The following PYCARD variants were observed in gnomAD, a reference collection of about 807,000 sequenced individuals.
The protein encoded by PYCARD is apoptosis-associated speck-like protein containing a CARD.
In PYCARD, 10 loss-of-function variants were observed where a neutral mutation model predicts 10.0. The ratio of observed to expected loss-of-function variants is 1.00; its 90% CI spans 0.62 to 1.69. The LOEUF is 1.69. PYCARD is among the 40% of genes most tolerant of loss of function. The pLI is 0.00. For missense variants in PYCARD, 239 were observed against 260.2 expected, an observed-to-expected ratio of 0.92 and a Z score of 0.56; for synonymous variants, 121 against 122.3, an observed-to-expected ratio of 0.99 and a Z score of 0.07.
At position 31,202,323 on chromosome 16, in the gene PYCARD, G is replaced by A; in HGVS notation, c.274+94C>T. 1.3e-6 allele frequency: 2 copies of A among 1,536,350 alleles called. No individual in the cohort carries two copies. The highest frequency in any genetic ancestry group is 1.2e-5 in the South Asian group (1 of 84,344). On this transcript the variant is annotated intron_variant, in intron 1 of 2. Coordinates refer to ENST00000247470, the MANE Select transcript of PYCARD (RefSeq NM_013258.5). The surrounding 1 kb of genome is among the most constrained non-coding windows in gnomAD (Gnocchi z 4.5). ...TTTCCGGTAGAGCAGCTTTGTTTAG[G>A]GGTAGGAGGAACAGAAAGCGGAAGA... is the stretch of plus-strand genomic sequence containing the variant.
rs770031102 is a variant in PYCARD, at chr16:31,202,100, G to A, written c.331+47C>T. 1 of 1,587,622 alleles carries A rather than the reference G, an allele frequency of 6.3e-7. No homozygotes were observed. The highest frequency in any genetic ancestry group is 8.6e-7 in the Non-Finnish European group (1 of 1,169,090). The stretch of plus-strand genomic sequence containing the variant: ...CCCTGGTTGCGGGAGCACAGATGCA[G>A]GCTGTGCAGGAGTGCGGTGGGGCCG... On this transcript the variant is annotated intron_variant, in intron 2 of 2. Transcript: ENST00000247470. The surrounding 1 kb of genome is among the most constrained non-coding windows in gnomAD (Gnocchi z 4.5).
Position 31,202,223 on chromosome 16 carries a change from G to A in PYCARD, c.275-20C>T, listed in dbSNP as rs2079448721. The A allele has an allele frequency of 6.2e-7, 1 of 1,601,180 alleles. No individual in the cohort carries two copies. The highest frequency in any genetic ancestry group is 1.7e-5 in the Admixed American group (1 of 59,874). On this transcript the variant is annotated intron_variant, in intron 1 of 2. Coordinates refer to ENST00000247470, the MANE Select transcript of PYCARD (RefSeq NM_013258.5). This position sits in a 1 kb window ranked among gnomAD's most constrained non-coding sequence, Gnocchi z 4.5. ...CAGAGCCTGGAAGGATATGGGCCAA[G>A]TGATCCCCTTCCCTTCCCTTCCCGC...
In PYCARD at chr16:31,202,028, G is replaced by A; in HGVS notation, c.331+119C>T. 6.8e-7 allele frequency: 1 copy of A among 1,463,610 alleles called. No homozygotes were observed. Among genetic ancestry groups the A allele is most frequent in the East Asian group, 2.5e-5 (1 of 40,600 alleles). The allele number at this position is 1,463,610 out of a possible 1,614,324, so 90.7% of individuals were successfully genotyped here. ...TCCCCCGCAGGGTGTGGGTTGGTGGGTGGGGTGCGCAGGGTTGCCAAGCCG... is the reference window on the plus strand; with the variant it reads ...TCCCCCGCAGGGTGTGGGTTGGTGGATGGGGTGCGCAGGGTTGCCAAGCCG... On this transcript the variant is annotated intron_variant, in intron 2 of 2. Coordinates refer to ENST00000247470, the MANE Select transcript of PYCARD (RefSeq NM_013258.5). This position sits in a 1 kb window ranked among gnomAD's most constrained non-coding sequence, Gnocchi z 4.5.
At chr16:31,201,917 A>T in intron 2 of PYCARD, 76 bp from the exon 3 acceptor site, 3 of 1,581,026 alleles carry the variant, frequency 1.9e-6, no homozygotes, top group Non-Finnish European at 2.6e-6. Flanking sequence ...TTCTTCAGGA[A>T]TTCCTCTGCA....
chr16:31,202,497 C>A lies in PYCARD; in HGVS notation c.194G>T (p.Gly65Val). Reference sequence around the variant, plus strand: ...CAGCACGTTAGCGGTGAGCTCGGCGCCGTAGGTCTCCAGGTAGAAGCTGAC... The same window carrying A: ...CAGCACGTTAGCGGTGAGCTCGGCGACGTAGGTCTCCAGGTAGAAGCTGAC... Reference protein sequence around the residue: ...KLVSFYLETYGAELTANVLRD... With the variant: ...KLVSFYLETYVAELTANVLRD... Residue 65 changes from glycine (G) to valine (V), a missense_variant, in exon 1 of 3, where the codon GGC (glycine) becomes GTC (valine). Transcript: ENST00000247470. The surrounding 1 kb of genome is among the most constrained non-coding windows in gnomAD (Gnocchi z 4.5). The A allele has an allele frequency of 6.2e-7, 1 of 1,603,386 alleles. No individual in the cohort carries two copies. The highest frequency in any genetic ancestry group is 1.1e-5 in the South Asian group (1 of 89,698).
rs1357922232 is a variant in PYCARD at position 31,202,368 on chromosome 16, G to A, written c.274+49C>T. 2 of 1,529,350 alleles carry A rather than the reference G, an allele frequency of 1.3e-6. No homozygotes were observed. Among genetic ancestry groups the A allele is most frequent in the Non-Finnish European group, 1.8e-6 (2 of 1,141,116 alleles). 94.7% of individuals were successfully genotyped at this position (1,529,350 alleles called of 1,614,324 possible). ...GGAAGAGCCCGCGGGGTAAGCGCTG[G>A]TGTGGGTGGAGGGGAAAGACGGGGT... On this transcript the variant is annotated intron_variant, in intron 1 of 2. Transcript: ENST00000247470. This position sits in a 1 kb window ranked among gnomAD's most constrained non-coding sequence, Gnocchi z 4.5.
chr16:31,201,877 GGT>G lies in PYCARD; in HGVS notation c.332-38_332-37del, dbSNP rs1168829902. ...GAGGAGAACATGAGCCAGCAGCCAG[GGT>G]GTGGGGCCTGTCCCTGCTGAACTTG... On this transcript the variant is annotated intron_variant, in intron 2 of 2. Coordinates refer to ENST00000247470, the MANE Select transcript of PYCARD (RefSeq NM_013258.5). 2.5e-6 allele frequency: 4 copies of G among 1,608,372 alleles called. No individual in the cohort carries two copies. In the African/African-American group the frequency reaches 5.3e-5, roughly 21 times the overall value.
At chr16:31,201,931 C>G (rs1409727428) in intron 2 of PYCARD, 90 bp from the exon 3 acceptor site, 4 of 1,562,190 alleles carry the variant, frequency 2.6e-6, no homozygotes, top group Non-Finnish European at 3.5e-6. Context: ...CTCTGCAAGC[C>G]TAGGGGCAGG....
chr16:31,201,719 C>G lies in PYCARD; in HGVS notation c.454G>C (p.Glu152Gln). ...CGCATCTTGCTTGGGTTGGTGGGCT[C>G]GGCCCGCACTGCCTGGTACTGCTCA... ...TDEQYQAVRA[E>Q]PTNPSKMRKL... is the part of the protein sequence containing the mutation. The change falls in exon 3 of 3, where the codon GAG (glutamate) becomes CAG (glutamine). Residue 152 changes from glutamate (E) to glutamine (Q), a missense_variant. Transcript: ENST00000247470. 1.2e-6 allele frequency: 2 copies of G among 1,614,092 alleles called. No homozygotes were observed. The highest frequency in any genetic ancestry group is 1.7e-6 in the Non-Finnish European group (2 of 1,180,006).
chr16:31,202,596 A>C lies in PYCARD; in HGVS notation c.95T>G (p.Leu32Arg). 1 of 1,612,914 alleles carries C rather than the reference A, an allele frequency of 6.2e-7. No homozygotes were observed. Among genetic ancestry groups the C allele is most frequent in the Non-Finnish European group, 8.5e-7 (1 of 1,179,678 alleles). ...CGGGATGCGCCCGTAGCCCTCGCGC[A>C]GCGGCACCGACAGCAGCTTCAGCTT... Reference protein sequence around the residue: ...KFKLKLLSVPLREGYGRIPRG... With the variant: ...KFKLKLLSVPRREGYGRIPRG... Residue 32 changes from leucine (L) to arginine (R), a missense_variant, in exon 1 of 3, where the codon CTG becomes CGG. Leu to Arg is a moderately radical substitution (Grantham distance 102). Coordinates refer to ENST00000247470, the MANE Select transcript of PYCARD (RefSeq NM_013258.5). The surrounding 1 kb of genome is among the most constrained non-coding windows in gnomAD (Gnocchi z 4.5).
intron 2 of PYCARD, 149 bp from the exon 3 acceptor site, chr16:31,201,990 A>G: frequency 6.9e-7 from 1 of 1,449,654 alleles, no homozygotes; most frequent in Non-Finnish European, 9.2e-7. Flanking sequence ...GATGAGGGTA[A>G]TATTGTCTCC....
Position 31,202,627 on chromosome 16 carries a change from T to G in PYCARD, c.64A>C (p.Lys22Gln), listed in dbSNP as rs768900578. 1.2e-6 allele frequency: 2 copies of G among 1,612,028 alleles called. No homozygotes were observed. The highest frequency in any genetic ancestry group is 1.7e-6 in the Non-Finnish European group (2 of 1,179,176). ...LENLTAEELK[K>Q]FKLKLLSVPL... ...ACCGACAGCAGCTTCAGCTTGAACTTCTTGAGCTCCTCGGCGGTCAGGTTC... is the reference window on the plus strand; with the variant it reads ...ACCGACAGCAGCTTCAGCTTGAACTGCTTGAGCTCCTCGGCGGTCAGGTTC... The change falls in exon 1 of 3, where the codon AAG becomes CAG. Residue 22 changes from lysine (K) to glutamine (Q), a missense_variant. Coordinates refer to ENST00000247470, the MANE Select transcript of PYCARD (RefSeq NM_013258.5). The surrounding 1 kb of genome is among the most constrained non-coding windows in gnomAD (Gnocchi z 4.5).
chr16:31,201,927 A>G, intron 2 of PYCARD, 86 bp from the exon 3 acceptor site: 6 of 1,568,834 alleles, frequency 3.8e-6, no homozygotes, highest in Non-Finnish European at 5.2e-6. Context: ...ATTCCTCTGC[A>G]AGCCTAGGGG....
chr16:31,202,711 CT>C lies in PYCARD; in HGVS notation c.-22del. On this transcript the variant is annotated 5_prime_UTR_variant, in exon 1 of 3. Coordinates refer to ENST00000247470, the MANE Select transcript of PYCARD (RefSeq NM_013258.5). This position sits in a 1 kb window ranked among gnomAD's most constrained non-coding sequence, Gnocchi z 4.5. Reference sequence around the variant, plus strand: ...CCCATGGCTCCAGGATCCCCGGCCGCTGCCGCCGCTCACCCCGCTGCAGCCG... The same window carrying C: ...CCCATGGCTCCAGGATCCCCGGCCGCGCCGCCGCTCACCCCGCTGCAGCCG... 5 of 1,528,538 alleles carry C rather than the reference CT, an allele frequency of 3.3e-6. No individual in the cohort carries two copies. The highest frequency in any genetic ancestry group is 4.4e-6 in the Non-Finnish European group (5 of 1,140,668). The allele number at this position is 1,528,538 out of a possible 1,614,324, so 94.7% of individuals were successfully genotyped here. A position where few individuals can be genotyped will look rare whatever the true frequency, so the allele number is the denominator to read the frequency against.
Position 31,202,375 on chromosome 16 carries a change from T to C in PYCARD, c.274+42A>G, listed in dbSNP as rs1596928841. ...CCCGCGGGGTAAGCGCTGGTGTGGG[T>C]GGAGGGGAAAGACGGGGTGGAGGGG... On this transcript the variant is annotated intron_variant, in intron 1 of 2. Coordinates refer to ENST00000247470, the MANE Select transcript of PYCARD (RefSeq NM_013258.5). The surrounding 1 kb of genome is among the most constrained non-coding windows in gnomAD (Gnocchi z 4.5). 7.2e-7 allele frequency: 1 copy of C among 1,385,918 alleles called. No individual in the cohort carries two copies. Among genetic ancestry groups the C allele is most frequent in the Non-Finnish European group, 9.5e-7 (1 of 1,050,148 alleles). The allele number at this position is 1,385,918 out of a possible 1,614,324, so 85.9% of individuals were successfully genotyped here.
chr16:31,202,715 C>T lies in PYCARD; in HGVS notation c.-25G>A, dbSNP rs370863285. 2.4e-4 allele frequency: 372 copies of T among 1,525,428 alleles called. No homozygotes were observed. The African/African-American group carries it at 4.3e-3, about 18-fold the overall frequency. 94.5% of individuals were successfully genotyped at this position (1,525,428 alleles called of 1,614,324 possible). On this transcript the variant is annotated 5_prime_UTR_variant, in exon 1 of 3. Transcript: ENST00000247470. This position sits in a 1 kb window ranked among gnomAD's most constrained non-coding sequence, Gnocchi z 4.5. ...TGGCTCCAGGATCCCCGGCCGCTGC[C>T]GCCGCTCACCCCGCTGCAGCCGCCG...
rs142358771 is a variant in PYCARD, at chr16:31,202,468, C to T, written c.223G>A (p.Asp75Asn). 1 of 1,576,588 alleles carries T rather than the reference C, an allele frequency of 6.3e-7. No individual in the cohort carries two copies. The highest frequency in any genetic ancestry group is 1.3e-5 in the African/African-American group (1 of 74,256). ...GAELTANVLR[D>N]MGLQEMAGQL... ...CCGGCCATCTCCTGCAGGCCCATGT[C>T]GCGCAGCACGTTAGCGGTGAGCTCG... is the stretch of plus-strand genomic sequence containing the variant. Residue 75 changes from aspartate to asparagine, a missense_variant, in exon 1 of 3, where the codon GAC becomes AAC. Asp to Asn is a conservative substitution (Grantham distance 23). Coordinates refer to ENST00000247470, the MANE Select transcript of PYCARD (RefSeq NM_013258.5). This position sits in a 1 kb window ranked among gnomAD's most constrained non-coding sequence, Gnocchi z 4.5.
Position 31,201,612 on chromosome 16 carries a change from G to A in PYCARD, c.561C>T (p.Tyr187=), listed in dbSNP as rs1263972169. The change falls in exon 3 of 3, where the codon TAC becomes TAT. Residue 187 remains tyrosine (Y), a synonymous_variant. Transcript: ENST00000247470. ...LLQALRESQS[Y]LVEDLERS is the part of the protein sequence containing the mutation. ...AGCTCCGCTCCAGGTCCTCCACCAG[G>A]TAGGACTGGGACTCCCTTAGGGCCT... 2.5e-6 allele frequency: 4 copies of A among 1,613,950 alleles called. No individual in the cohort carries two copies. In the Admixed American group the frequency reaches 5.0e-5, roughly 20 times the overall value.
Position 31,202,487 on chromosome 16 carries a change from G to A in PYCARD, c.204C>T (p.Leu68=). 1 of 1,595,464 alleles carries A rather than the reference G, an allele frequency of 6.3e-7. No individual in the cohort carries two copies. Among genetic ancestry groups the A allele is most frequent in the East Asian group, 2.3e-5 (1 of 43,944 alleles). Residue 68 remains leucine, a synonymous_variant, in exon 1 of 3, where the codon CTC becomes CTT. Transcript: ENST00000247470. The surrounding 1 kb of genome is among the most constrained non-coding windows in gnomAD (Gnocchi z 4.5). ...SFYLETYGAE[L]TANVLRDMGL... is the part of the protein sequence containing the mutation. The stretch of plus-strand genomic sequence containing the variant: ...CCATGTCGCGCAGCACGTTAGCGGT[G>A]AGCTCGGCGCCGTAGGTCTCCAGGT...
Sources: gnomAD v4.1 joint callset for allele counts on GRCh38, gnomAD v4.1.1 for gene constraint, Gnocchi (gnomAD v3.1) non-coding constraint, MANE v1.5 for transcripts, NCBI Gene and HGNC (gene_info 2026-07-23, HGNC 2026-07-21) for gene names.